Variants in ROR1 observed in about 807,000 individuals in gnomAD.
The protein encoded by ROR1 is ROR family WNT receptor 1, also known as inactive tyrosine-protein kinase transmembrane receptor ROR1.
In ROR1, 19 loss-of-function variants were observed where a neutral mutation model predicts 78.8. That is an observed-to-expected ratio of 0.24 (90% CI 0.17 to 0.35). The LOEUF (loss-of-function observed/expected upper bound fraction) is 0.35. Among genes scored for constraint, ROR1 ranks in the 10% least tolerant of loss-of-function variants. ROR1 has a pLI of 1.00. For synonymous variants in ROR1, 386 were observed against 433.6 expected (o/e 0.89, Z 1.36); for missense variants, 917 against 1,177.8 (o/e 0.78, Z 3.24).
intron 4 of ROR1, among the ~76,000 whole-genome samples, chr1:64,130,991 A>T (rs1648894665): frequency 6.6e-6 from 1 of 152,210 alleles, no homozygotes; most frequent in Non-Finnish European, 1.5e-5. Context: ...AGTTTTAAAA[A>T]GGGATGTTTT....
At chr1:63,974,451 T>C (rs956954750) in intron 1 of ROR1, among the ~76,000 whole-genome samples, 1 of 152,176 alleles carries the variant, frequency 6.6e-6, no homozygotes, top group Admixed American at 6.5e-5. Flanking sequence ...GTGTTTTTCA[T>C]TGTTGTTGTT....
intron 1 of ROR1, among the ~76,000 whole-genome samples, chr1:63,839,769 A>G (rs641439): frequency 0.21 from 31,209 of 151,504 alleles, 6,676 homozygotes; most frequent in African/African-American, 0.55. Flanking sequence ...ACATAATACT[A>G]TTTTTTCCAA....
Position 64,075,819 on chromosome 1 carries a change from A to C in ROR1, c.482+25103A>C, listed in dbSNP as rs749980989. Among the ~76,000 whole-genome samples, 144 of 152,324 alleles carry C rather than the reference A, an allele frequency of 9.5e-4. 1 individual carries two copies. The highest frequency in any genetic ancestry group is 2.7e-3 in the South Asian group (13 of 4,828). On this transcript the variant is annotated intron_variant, in intron 4 of 8. Coordinates refer to ENST00000371079, the MANE Select transcript of ROR1 (RefSeq NM_005012.4). ...CTAAGAGTTCACGTTTCAGTGCACC[A>C]TCTCTTTGAGTTCAAATTATGGTTC...
chr1:64,168,358 T>G (rs1271902713), intron 8 of ROR1, among the ~76,000 whole-genome samples: 1 of 152,188 alleles, frequency 6.6e-6, no homozygotes, highest in Non-Finnish European at 1.5e-5. Flanking sequence ...GCCTAACATA[T>G]AAGCATTCAA....
chr1:63,917,514 C>A (rs573975046), intron 1 of ROR1, among the ~76,000 whole-genome samples: 1 of 152,160 alleles, frequency 6.6e-6, no homozygotes, highest in Non-Finnish European at 1.5e-5. Flanking sequence ...AATTTGCCAT[C>A]ATTTTATTCA....
At chr1:64,090,679 G>C (rs773085972) in intron 4 of ROR1, among the ~76,000 whole-genome samples, 3 of 152,152 alleles carry the variant, frequency 2.0e-5, no homozygotes, top group Non-Finnish European at 4.4e-5. Context: ...CAAAAAATAA[G>C]TTGTCCTGGT....
intron 1 of ROR1, among the ~76,000 whole-genome samples, chr1:63,775,897 G>A (rs1644613717): frequency 6.6e-6 from 1 of 152,208 alleles, no homozygotes; most frequent in Non-Finnish European, 1.5e-5. Context: ...TCAGCAGGGA[G>A]TGCACCTTCC....
At chr1:64,027,955 G>A (rs1646627706) in intron 2 of ROR1, among the ~76,000 whole-genome samples, 1 of 152,002 alleles carries the variant, frequency 6.6e-6, no homozygotes, top group Non-Finnish European at 1.5e-5. Context: ...CAAAATGCTG[G>A]GATTACAGGT....
At chr1:64,136,491 G>A (rs1028542999) in intron 4 of ROR1, among the ~76,000 whole-genome samples, 2 of 151,908 alleles carry the variant, frequency 1.3e-5, no homozygotes, top group African/African-American at 4.8e-5. Context: ...GCACTCGAGG[G>A]ATCTTGTGCT....
At chr1:63,896,693 T>TATA (rs568526190) in intron 1 of ROR1, among the ~76,000 whole-genome samples, 74 of 152,180 alleles carry the variant, frequency 4.9e-4, no homozygotes, top group African/African-American at 1.7e-3. Flanking sequence ...TGAAATTGCT[T>TATA]ATAAGCAGAG....
At chr1:63,877,793 G>A (rs925225030) in intron 1 of ROR1, among the ~76,000 whole-genome samples, 1 of 152,106 alleles carries the variant, frequency 6.6e-6, no homozygotes, top group Non-Finnish European at 1.5e-5. Flanking sequence ...GACATTTTGG[G>A]GGGGAAACAG....
chr1:64,135,401 A>T (rs2100704208), intron 4 of ROR1, among the ~76,000 whole-genome samples: 1 of 152,248 alleles, frequency 6.6e-6, no homozygotes, highest in Admixed American at 6.5e-5. Flanking sequence ...ATATAAATTG[A>T]AGCCTTGAGA....
In ROR1 at chr1:64,178,826, A is replaced by T. The variant is rs754753916; in HGVS notation, c.2785A>T (p.Thr929Ser). The T allele has an allele frequency of 6.2e-7, 1 of 1,613,680 alleles. No individual in the cohort carries two copies. The change falls in exon 9 of 9, where the codon ACC becomes TCC. Residue 929 changes from threonine (T) to serine (S), a missense_variant. By Grantham distance (58) the Thr-to-Ser change is moderately conservative (BLOSUM62 1). Transcript: ENST00000371079. The surrounding 1 kb of genome is among the most constrained non-coding windows in gnomAD (Gnocchi z 4.3). ...AGGAGACGCCAATATTCATGGACAC[A>T]CCGAATCTATGATTTCTGCAGAACT... ...LLGDANIHGH[T>S]ESMISAEL
chr1:63,787,335 C>T (rs2100230833), intron 1 of ROR1, among the ~76,000 whole-genome samples: 1 of 152,324 alleles, frequency 6.6e-6, no homozygotes, highest in South Asian at 2.1e-4. Flanking sequence ...ATAATTGTCA[C>T]TGTCAAGTAT....
At position 64,058,101 on chromosome 1, in the gene ROR1, G is replaced by C. The variant is rs535868592; in HGVS notation, c.482+7385G>C. Among the ~76,000 whole-genome samples, 11 of 152,156 alleles carry C rather than the reference G, an allele frequency of 7.2e-5. No homozygotes were observed. The South Asian group carries it at 2.1e-3, about 29-fold the overall frequency. ...GATTATCTTTCATGCTATTGGAAAT[G>C]GAATTTTTTCTTAATATCATCTCAG... On this transcript the variant is annotated intron_variant, in intron 4 of 8. Coordinates refer to ENST00000371079, the MANE Select transcript of ROR1 (RefSeq NM_005012.4).
intron 2 of ROR1, among the ~76,000 whole-genome samples, chr1:64,025,872 G>T (rs183282748): frequency 4.5e-4 from 68 of 152,246 alleles, no homozygotes; most frequent in African/African-American, 1.6e-3. Context: ...GGGAAAGGGT[G>T]GGAGGTGGGT....
At chr1:63,952,235 TAC>T (rs1401846263) in intron 1 of ROR1, among the ~76,000 whole-genome samples, 17 of 152,044 alleles carry the variant, frequency 1.1e-4, no homozygotes, top group African/African-American at 4.1e-4. Flanking sequence ...GGGGGAAGAA[TAC>T]TCCAGGTGGT....
chr1:63,912,306 AAAAAAAC>A (rs1645577653), intron 1 of ROR1, among the ~76,000 whole-genome samples: 1 of 151,952 alleles, frequency 6.6e-6, no homozygotes, highest in South Asian at 2.1e-4. Context: ...TCAAAAAAAA[AAAAAAAC>A]AAAAAACAGA....
chr1:63,823,562 G>C (rs1439786478), intron 1 of ROR1, among the ~76,000 whole-genome samples: 1 of 145,348 alleles, frequency 6.9e-6, no homozygotes, highest in East Asian at 2.0e-4. Context: ...TGATCTTCCT[G>C]CCTCAGCTTC....
Sources: allele counts gnomAD v4.1 joint callset (sites outside exome capture counted in the v4.1 genomes callset), GRCh38; gene constraint gnomAD v4.1.1; non-coding constraint Gnocchi (gnomAD v3.1); transcripts MANE v1.5; gene names NCBI Gene and HGNC (gene_info 2026-07-23, HGNC 2026-07-21).